SPG7: variants seen among roughly 807,000 people sequenced by gnomAD.
The protein encoded by SPG7 is mitochondrial inner membrane m-AAA protease component paraplegin.
A neutral mutation model predicts 81.9 loss-of-function variants in SPG7; 103 were observed. That is an observed-to-expected ratio of 1.26 (90% confidence interval 1.07 to 1.48). The LOEUF is 1.48. SPG7 is among the 40% of genes most tolerant of loss of function. SPG7 has a pLI of 0.00. For synonymous variants in SPG7, 534 were observed against 444.2 expected, an observed-to-expected ratio of 1.20 and a Z score of -2.54; for missense variants, 1,241 against 1,087.3, an observed-to-expected ratio of 1.14 and a Z score of -1.99.
chr16:89,516,100 G>A (rs1221244698), intron 3 of SPG7, among the ~76,000 whole-genome samples: 1 of 151,972 alleles, frequency 6.6e-6, no homozygotes, highest in Non-Finnish European at 1.5e-5. Flanking sequence ...TGATTCTCCT[G>A]CCTCAACCTC....
chr16:89,536,981 AC>A, intron 9 of SPG7: 2 of 1,613,472 alleles, frequency 1.2e-6, no homozygotes, highest in South Asian at 2.2e-5. Context: ...TCTCCACATA[AC>A]CTCTCTGTGC....
At chr16:89,531,386 T>G in intron 7 of SPG7, 1 of 183,026 alleles carries the variant, frequency 5.5e-6, no homozygotes, top group Non-Finnish European at 1.2e-5. Context: ...ATTAATTTTT[T>G]TTTTCGAGAC....
chr16:89,542,953 T>C (rs1282038823), intron 9 of SPG7: 6 of 144,616 alleles, frequency 4.1e-5, no homozygotes, highest in Admixed American at 2.8e-4. Context: ...TTTTTTTTTT[T>C]TTTTTTTTTT....
intron 7 of SPG7, 178 bp from the exon 8 acceptor site, chr16:89,531,726 C>G: frequency 1.5e-6 from 1 of 661,290 alleles, no homozygotes; most frequent in Non-Finnish European, 2.7e-6. Flanking sequence ...CTGTATATTC[C>G]CAGCTACTCG....
intron 12 of SPG7, chr16:89,548,512 C>G (rs1349598729): frequency 1.3e-5 from 4 of 304,598 alleles, no homozygotes; most frequent in African/African-American, 8.9e-5. Flanking sequence ...CTGCTGCCGC[C>G]CGTGGCTGTG....
chr16:89,537,822 G>A (rs931836542), intron 9 of SPG7: 1 of 964,496 alleles, frequency 1.0e-6, no homozygotes, highest in African/African-American at 1.8e-5. Context: ...TGGTCCCAGT[G>A]TGACCCGGGA....
rs943479362 is a variant in SPG7 at position 89,546,017 on chromosome 16, G to A, written c.1450-641G>A. On this transcript the variant is annotated intron_variant, in intron 10 of 16. Coordinates refer to ENST00000645818, the MANE Select transcript of SPG7 (RefSeq NM_003119.4). ...GCTGGTTAATTTTTAACAGAGTCTC[G>A]CTGTGTTGCCAAGGCTGGTGTCAAA... The A allele has an allele frequency of 1.6e-4, 62 of 393,380 alleles. 1 individual carries two copies. Among genetic ancestry groups the A allele is most frequent in the South Asian group, 9.7e-4 (54 of 55,598 alleles). The allele number at this position is 393,380 out of a possible 1,614,324, so 24.4% of individuals were successfully genotyped here.
chr16:89,553,292 G>A, intron 14 of SPG7, 157 bp downstream of exon 14: 1 of 831,922 alleles, frequency 1.2e-6, no homozygotes, highest in Non-Finnish European at 2.0e-6. Flanking sequence ...TAAGAGAGTT[G>A]GAGCTAAGCA....
rs566461022 is a variant in SPG7, at chr16:89,510,132, G to A, written c.184-358G>A. On this transcript the variant is annotated intron_variant, in intron 1 of 16. Transcript: ENST00000645818. Reference sequence around the variant, plus strand: ...TGAGATTACAGGTGTGCACCACCACGCCCGGCTAATTTTTGTATTTTTAGT... The same window carrying A: ...TGAGATTACAGGTGTGCACCACCACACCCGGCTAATTTTTGTATTTTTAGT... Among the ~76,000 whole-genome samples the A allele has an allele frequency of 1.4e-3, 208 of 151,932 alleles. 1 individual carries two copies. The highest frequency in any genetic ancestry group is 4.6e-3 in the African/African-American group (191 of 41,420).
chr16:89,526,237 T>TA (rs1329762175), intron 4 of SPG7, 92 bp from the exon 5 acceptor site: 1 of 1,456,804 alleles, frequency 6.9e-7, no homozygotes, highest in East Asian at 2.3e-5. Context: ...AGGTTGTCAT[T>TA]ACCATGAGTT....
At position 89,557,487 on chromosome 16, in the gene SPG7, C is replaced by T. The variant is rs192015334; in HGVS notation, c.*394C>T. 70 of 280,006 alleles carry T rather than the reference C, an allele frequency of 2.5e-4. 1 individual carries two copies. The Middle Eastern group carries it at 6.7e-3, about 27-fold the overall frequency. The allele number at this position is 280,006 out of a possible 1,614,324, so 17.3% of individuals were successfully genotyped here. A position where few individuals can be genotyped will look rare whatever the true frequency, so the allele number is the denominator to read the frequency against. ...ACGACCGCCCCAGTTCCTGTGGCTCCCTCGGAATGCTAAGGGGATCGGACA... is the reference window on the plus strand; with the variant it reads ...ACGACCGCCCCAGTTCCTGTGGCTCTCTCGGAATGCTAAGGGGATCGGACA... On this transcript the variant is annotated 3_prime_UTR_variant, in exon 17 of 17. Coordinates refer to ENST00000645818, the MANE Select transcript of SPG7 (RefSeq NM_003119.4).
At chr16:89,544,996 G>A (rs556350441) in intron 10 of SPG7, 21 of 601,962 alleles carry the variant, frequency 3.5e-5, no homozygotes, top group Non-Finnish European at 5.2e-5. Context: ...CACGCCCCCT[G>A]GCAGACCTGC....
chr16:89,508,843 C>G, intron 1 of SPG7: 1 of 675,314 alleles, frequency 1.5e-6, no homozygotes, highest in East Asian at 2.8e-5. Context: ...TGGACTTTCC[C>G]AACCCGTCTG....
intron 9 of SPG7, chr16:89,543,526 T>C (rs1449414393): frequency 4.0e-5 from 6 of 151,416 alleles, no homozygotes; most frequent in African/African-American, 1.2e-4. Flanking sequence ...TTAGTAGAAA[T>C]GAGGTTTCAC....
At chr16:89,514,099 CCAGTGTTTCGCAGGTGG>C (rs1567897142) in intron 3 of SPG7, among the ~76,000 whole-genome samples, 1 of 152,044 alleles carries the variant, frequency 6.6e-6, no homozygotes, top group Non-Finnish European at 1.5e-5. Flanking sequence ...GGAAGGGACA[CCAGTGTTTCGCAGGTGG>C]ATTCAGTTTA....
At chr16:89,538,080 T>G (rs1183860154) in intron 9 of SPG7, 1 of 152,074 alleles carries the variant, frequency 6.6e-6, no homozygotes, top group Non-Finnish European at 1.5e-5. Flanking sequence ...GAACCACACT[T>G]GGGGTTCAGA....
chr16:89,554,067 C>T (rs1597665408), intron 15 of SPG7, 107 bp downstream of exon 15: 1 of 1,189,952 alleles, frequency 8.4e-7, no homozygotes, highest in Admixed American at 2.1e-5. Flanking sequence ...AGCTCAGCTG[C>T]AGGCCCCACC....
intron 9 of SPG7, chr16:89,536,665 G>A (rs1209208724): frequency 1.4e-5 from 20 of 1,438,194 alleles, no homozygotes; most frequent in Admixed American, 6.7e-5. Flanking sequence ...CAGGCGAGGC[G>A]GGTGAGATCG....
intron 9 of SPG7, chr16:89,543,281 C>T (rs1248185565): frequency 6.7e-6 from 1 of 148,512 alleles, no homozygotes; most frequent in Non-Finnish European, 1.5e-5. Flanking sequence ...GGGTCCTGTT[C>T]TTACATTAGT....
Sources: gnomAD v4.1 joint callset for allele counts (sites outside exome capture counted in the v4.1 genomes callset) on GRCh38, gnomAD v4.1.1 for gene constraint, MANE v1.5 for transcripts, NCBI Gene and HGNC (gene_info 2026-07-23, HGNC 2026-07-21) for gene names.